Variants in SLAIN2 observed in about 807,000 individuals in gnomAD.
The protein encoded by SLAIN2 is SLAIN family member 2.
In SLAIN2, 31 loss-of-function variants were observed where a neutral mutation model predicts 56.6. The ratio of observed to expected loss-of-function variants is 0.55; its 90% CI spans 0.41 to 0.74. The LOEUF (loss-of-function observed/expected upper bound fraction) is 0.74, where lower values mean the gene tolerates loss of function less well. SLAIN2 is among the 30% of genes least tolerant of loss of function. The pLI is 0.00. For synonymous variants in SLAIN2, 317 were observed against 284.9 expected (o/e 1.11, Z -1.13); for missense variants, 777 against 754.2 (o/e 1.03, Z -0.35).
chr4:48,345,297 C>G (rs906633052), intron 1 of SLAIN2, among the ~76,000 whole-genome samples: 1 of 152,222 alleles, frequency 6.6e-6, no homozygotes, highest in East Asian at 1.9e-4. Context: ...TGAGCATTCC[C>G]TTCTCTTCTT....
At chr4:48,372,300 A>G (rs186589076) in intron 2 of SLAIN2, among the ~76,000 whole-genome samples, 116 of 152,298 alleles carry the variant, frequency 7.6e-4, no homozygotes, top group Non-Finnish European at 1.1e-3. Context: ...ACAAATAAAT[A>G]AAACTCTGGC....
intron 1 of SLAIN2, among the ~76,000 whole-genome samples, chr4:48,355,371 T>A (rs755927856): frequency 1.3e-5 from 2 of 152,234 alleles, no homozygotes; most frequent in Non-Finnish European, 2.9e-5. Flanking sequence ...AAGACTGTTA[T>A]AAAATTATAT....
rs759005549 is a variant in SLAIN2, at chr4:48,342,022, ACCT to A, written c.287_289del (p.Ser96del). 2.1e-6 allele frequency: 3 copies of A among 1,407,782 alleles called. No individual in the cohort carries two copies. In the South Asian group the frequency reaches 4.7e-5, roughly 22 times the overall value. The allele number at this position is 1,407,782 out of a possible 1,614,324, so 87.2% of individuals were successfully genotyped here. A position where few individuals can be genotyped will look rare whatever the true frequency, so the allele number is the denominator to read the frequency against. ...GAGTAGCGAAGAGCTGCGGGACGCC[ACCT>A]CCTTGCTAGCGGCGGGCGAGGGCGG... On this transcript the variant is annotated inframe_deletion, in exon 1 of 8. Coordinates refer to ENST00000264313, the MANE Select transcript of SLAIN2 (RefSeq NM_020846.2).
intron 6 of SLAIN2, among the ~76,000 whole-genome samples, chr4:48,404,690 G>A (rs543967241): frequency 3.0e-4 from 45 of 152,296 alleles, no homozygotes; most frequent in Admixed American, 5.9e-4. Context: ...TTTACATTTA[G>A]ACTTAATAAT....
rs368873817 is a variant in SLAIN2 at position 48,383,748 on chromosome 4, G to A, written c.1324G>A (p.Gly442Arg). The change falls in exon 6 of 8, where the codon GGA becomes AGA. Residue 442 changes from glycine (G) to arginine (R), a missense_variant. Physicochemically the swap from Gly to Arg is moderately radical, Grantham distance 125 (BLOSUM62 -2). Coordinates refer to ENST00000264313, the MANE Select transcript of SLAIN2 (RefSeq NM_020846.2). The part of the protein sequence containing the change: ...RSDSNFQVPN[G>R]GIPRMQPQAS... ...TGACTCAAATTTTCAAGTGCCAAAC[G>A]GAGGAATACCTCGTATGCAACCTCA... 25 of 1,611,948 alleles carry A rather than the reference G, an allele frequency of 1.6e-5. No individual in the cohort carries two copies. The highest frequency in any genetic ancestry group is 2.2e-5 in the South Asian group (2 of 90,728).
At chr4:48,355,800 A>G (rs1715141754) in intron 1 of SLAIN2, among the ~76,000 whole-genome samples, 1 of 151,830 alleles carries the variant, frequency 6.6e-6, no homozygotes, top group African/African-American at 2.4e-5. Flanking sequence ...CTAATTACAT[A>G]TATTTATATT....
At chr4:48,419,822 T>A (rs1717099732) in intron 6 of SLAIN2, among the ~76,000 whole-genome samples, 1 of 152,212 alleles carries the variant, frequency 6.6e-6, no homozygotes, top group African/African-American at 2.4e-5. Context: ...TGGCCCACAT[T>A]AGTTGCTACT....
rs1167481708 is a variant in SLAIN2, at chr4:48,377,977, C to T, written c.620C>T (p.Pro207Leu). 16 of 1,613,774 alleles carry T rather than the reference C, an allele frequency of 9.9e-6. No individual in the cohort carries two copies. The highest frequency in any genetic ancestry group is 1.2e-5 in the Non-Finnish European group (14 of 1,179,836). ...CCTTACAGTCCAAATGCCAGTAGCC[C>T]ATACAGCAGTGGCTTCAATTCTCCA... The part of the protein sequence containing the change: ...TSPYSPNASS[P>L]YSSGFNSPSS... Residue 207 changes from proline (P) to leucine (L), a missense_variant, in exon 3 of 8, where the codon CCA (proline) becomes CTA (leucine). Coordinates refer to ENST00000264313, the MANE Select transcript of SLAIN2 (RefSeq NM_020846.2).
rs114233970 is a variant in SLAIN2, at chr4:48,402,520, A to G, written c.1361-17605A>G. Among the ~76,000 whole-genome samples the G allele has an allele frequency of 9.3e-3, 1,416 of 152,164 alleles. 12 individuals carry two copies. The highest frequency in any genetic ancestry group is 0.015 in the Non-Finnish European group (1,009 of 68,012). On this transcript the variant is annotated intron_variant, in intron 6 of 7. Transcript: ENST00000264313. ...TTCAGAAAATAGTCTTCAGACTCTG[A>G]GATTCTTTCCTCCACTTGGTCTCTT... is the stretch of plus-strand genomic sequence containing the variant.
intron 1 of SLAIN2, among the ~76,000 whole-genome samples, chr4:48,362,612 G>C (rs1382495981): frequency 7.4e-6 from 1 of 135,858 alleles, no homozygotes; most frequent in Non-Finnish European, 1.6e-5. Flanking sequence ...GTAGAAACAG[G>C]GTTTCACCGT....
intron 2 of SLAIN2, among the ~76,000 whole-genome samples, chr4:48,371,075 A>G (rs533302940): frequency 6.6e-6 from 1 of 151,628 alleles, no homozygotes; most frequent in Admixed American, 6.6e-5. Context: ...TATGAAAAGA[A>G]GCCCTTTTGT....
At position 48,342,071 on chromosome 4, in the gene SLAIN2, C is replaced by T; in HGVS notation, c.332C>T (p.Pro111Leu). The change falls in exon 1 of 8, where the codon CCG becomes CTG. Residue 111 changes from proline (P) to leucine (L), a missense_variant. Pro to Leu is a moderately conservative substitution (Grantham distance 98). Coordinates refer to ENST00000264313, the MANE Select transcript of SLAIN2 (RefSeq NM_020846.2). ...GGCGGCTTGCTGGACGAGGTGGAGC[C>T]GCTGCGGCCCGACGAGCTGGAGCGC... ...GEGGLLDEVE[P>L]LRPDELERLS... is the part of the protein sequence containing the mutation. The T allele has an allele frequency of 7.3e-7, 1 of 1,372,966 alleles. No homozygotes were observed. The highest frequency in any genetic ancestry group is 9.3e-7 in the Non-Finnish European group (1 of 1,070,776). The allele number at this position is 1,372,966 out of a possible 1,614,324, so 85.0% of individuals were successfully genotyped here.
rs1318898793 is a variant in SLAIN2, at chr4:48,341,654, G to C, written c.-86G>C. On this transcript the variant is annotated 5_prime_UTR_variant, in exon 1 of 8. Transcript: ENST00000264313. ...TGCCGGCGCCTCGGCTAGAGTGAGC[G>C]GCGGCGACGCCTCTTTCCTCCGTCT... 2.7e-6 allele frequency: 4 copies of C among 1,475,598 alleles called. No homozygotes were observed. Among genetic ancestry groups the C allele is most frequent in the Non-Finnish European group, 3.6e-6 (4 of 1,112,994 alleles). The allele number at this position is 1,475,598 out of a possible 1,614,324, so 91.4% of individuals were successfully genotyped here.
chr4:48,348,566 T>C (rs1258612050), intron 1 of SLAIN2, among the ~76,000 whole-genome samples: 1 of 151,734 alleles, frequency 6.6e-6, no homozygotes, highest in Non-Finnish European at 1.5e-5. Context: ...GGTGGGCGCC[T>C]GTAATCCCAG....
intron 6 of SLAIN2, among the ~76,000 whole-genome samples, chr4:48,397,971 T>G (rs1716452497): frequency 6.6e-6 from 1 of 152,204 alleles, no homozygotes; most frequent in South Asian, 2.1e-4. Context: ...AACATACACA[T>G]GCGTGCATAC....
intron 1 of SLAIN2, among the ~76,000 whole-genome samples, chr4:48,350,477 A>G (rs1714981770): frequency 1.3e-5 from 2 of 152,230 alleles, no homozygotes; most frequent in South Asian, 4.1e-4. Context: ...GTCTTAATAT[A>G]AATGGTTTGC....
intron 2 of SLAIN2, among the ~76,000 whole-genome samples, chr4:48,373,930 C>T (rs371145759): frequency 1.3e-4 from 20 of 152,090 alleles, no homozygotes; most frequent in South Asian, 2.1e-4. Flanking sequence ...CCCAGCTACT[C>T]GGGAGGCTGA....
chr4:48,410,074 G>T (rs1716805470), intron 6 of SLAIN2, among the ~76,000 whole-genome samples: 1 of 152,124 alleles, frequency 6.6e-6, no homozygotes, highest in Non-Finnish European at 1.5e-5. Context: ...CACCAGCACT[G>T]TATGAGGGTT....
At chr4:48,380,051 T>C (rs989302233) in intron 4 of SLAIN2, among the ~76,000 whole-genome samples, 3 of 152,104 alleles carry the variant, frequency 2.0e-5, no homozygotes, top group Non-Finnish European at 4.4e-5. Flanking sequence ...AGAGCAGTTA[T>C]GCTGTGTGAG....
Sources: allele counts gnomAD v4.1 joint callset (sites outside exome capture counted in the v4.1 genomes callset), GRCh38; gene constraint gnomAD v4.1.1; transcripts MANE v1.5; gene names NCBI Gene and HGNC (gene_info 2026-07-23, HGNC 2026-07-21).